The following DPH1 variants were observed in gnomAD, a reference collection of about 807,000 sequenced individuals.
The protein encoded by DPH1 is 2-(3-amino-3-carboxypropyl)histidine synthase subunit 1.
DPH1 carries 59 observed loss-of-function variants against 55.3 expected under a neutral mutation model. That is an observed-to-expected ratio of 1.07 (90% CI 0.87 to 1.33). The LOEUF (loss-of-function observed/expected upper bound fraction) is 1.33. Among genes scored for constraint, DPH1 ranks in the 40% most tolerant of loss-of-function variants. DPH1 has a pLI of 0.00. For missense variants in DPH1, 628 were observed against 584.8 expected (o/e 1.07, Z -0.76); for synonymous variants, 238 against 235.5 (o/e 1.01, Z -0.10).
intron 1 of DPH1, among the ~76,000 whole-genome samples, chr17:2,030,817 T>C (rs2067320995): frequency 6.6e-6 from 1 of 152,132 alleles, no homozygotes; most frequent in Non-Finnish European, 1.5e-5. Context: ...CAGAGGAGGA[T>C]CTGTAATGGG....
intron 1 of DPH1, among the ~76,000 whole-genome samples, chr17:2,031,862 G>A (rs560968974): frequency 6.6e-6 from 1 of 152,258 alleles, no homozygotes; most frequent in South Asian, 2.1e-4. Flanking sequence ...TACTCCAGGA[G>A]TTGTAATTAT....
In DPH1 at chr17:2,033,520, G is replaced by T. The variant is rs1384620464; in HGVS notation, c.77G>T (p.Gly26Val). 1 of 1,614,112 alleles carries T rather than the reference G, an allele frequency of 6.2e-7. No individual in the cohort carries two copies. The highest frequency in any genetic ancestry group is 1.3e-5 in the African/African-American group (1 of 75,060). Residue 26 changes from glycine (G) to valine (V), a missense_variant, in exon 2 of 13, where the codon GGC becomes GTC. Transcript: ENST00000263083. ...DGPGRGRAPR[G>V]RVANQIPPEI... ...TCCATTCTAGGTCGGGCCCCTCGGGGCCGCGTGGCCAATCAGATCCCCCCT... is the reference window on the plus strand; with the variant it reads ...TCCATTCTAGGTCGGGCCCCTCGGGTCCGCGTGGCCAATCAGATCCCCCCT...
rs200134501 is a variant in DPH1, at chr17:2,033,508, G to A, written c.65G>A (p.Arg22Gln). 5.1e-5 allele frequency: 83 copies of A among 1,613,998 alleles called. No individual in the cohort carries two copies. Among genetic ancestry groups the A allele is most frequent in the Non-Finnish European group, 6.4e-5 (75 of 1,180,032 alleles). ...QGGRDGPGRG[R>Q]APRGRVANQI... is the part of the protein sequence containing the mutation. Reference sequence around the variant, plus strand: ...TCAGGCCTTATATCCATTCTAGGTCGGGCCCCTCGGGGCCGCGTGGCCAAT... The same window carrying A: ...TCAGGCCTTATATCCATTCTAGGTCAGGCCCCTCGGGGCCGCGTGGCCAAT... Residue 22 changes from arginine (R) to glutamine (Q), a missense_variant, in exon 2 of 13, where the codon CGG becomes CAG. Physicochemically the swap from Arg to Gln is conservative, Grantham distance 43 (BLOSUM62 1). Coordinates refer to ENST00000263083, the MANE Select transcript of DPH1 (RefSeq NM_001383.6).
intron 12 of DPH1, 84 bp downstream of exon 12, chr17:2,041,959 G>GGTGCTGAC: frequency 6.6e-7 from 1 of 1,517,424 alleles, no homozygotes; most frequent in South Asian, 1.2e-5. Context: ...CCCTCGGGGC[G>GGTGCTGAC]GTGCTGACGT....
intron 1 of DPH1, among the ~76,000 whole-genome samples, chr17:2,032,224 G>A (rs924926246): frequency 2.0e-5 from 3 of 152,076 alleles, no homozygotes; most frequent in Non-Finnish European, 4.4e-5. Context: ...GGAGAGGGGG[G>A]ACATTCTCCC....
intron 6 of DPH1, among the ~76,000 whole-genome samples, chr17:2,037,870 C>T (rs1395450269): frequency 1.3e-5 from 2 of 152,278 alleles, no homozygotes; most frequent in Admixed American, 1.3e-4. Context: ...AGGCGAGTTT[C>T]TTAACATCCC....
chr17:2,033,919 G>T (rs1163348211), intron 3 of DPH1, 77 bp downstream of exon 3: 2 of 1,562,102 alleles, frequency 1.3e-6, no homozygotes, highest in African/African-American at 2.7e-5. Flanking sequence ...GGTGGGTAAA[G>T]CCCTGGTGGC....
intron 3 of DPH1, chr17:2,034,885 C>G (rs990781201): frequency 2.6e-5 from 3 of 115,568 alleles, no homozygotes; most frequent in African/African-American, 7.0e-5. Context: ...CTTGTTGCCA[C>G]AGACTCACTT....
Position 2,036,481 on chromosome 17 carries a change from T to TG in DPH1, c.401-47dup. 1 of 1,606,128 alleles carries TG rather than the reference T, an allele frequency of 6.2e-7. No individual in the cohort carries two copies. Among genetic ancestry groups the TG allele is most frequent in the Non-Finnish European group, 8.5e-7 (1 of 1,174,780 alleles). On this transcript the variant is annotated intron_variant, in intron 4 of 12. Coordinates refer to ENST00000263083, the MANE Select transcript of DPH1 (RefSeq NM_001383.6). This position sits in a 1 kb window ranked among gnomAD's most constrained non-coding sequence, Gnocchi z 4.8. The stretch of plus-strand genomic sequence containing the variant: ...GAGACCTGAGCCTGGCCGGGCCCTC[T>TG]GCTGCTCCTGCCTTCCCAAACAGCC...
At chr17:2,037,070 C>G in intron 6 of DPH1, 114 bp downstream of exon 6, 1 of 1,444,270 alleles carries the variant, frequency 6.9e-7, no homozygotes, top group Non-Finnish European at 9.2e-7. Flanking sequence ...TACCTGTGAG[C>G]CCGAGGTCAC....
intron 12 of DPH1, 154 bp from the exon 13 acceptor site, chr17:2,042,451 A>T: frequency 7.9e-7 from 1 of 1,268,664 alleles, no homozygotes; most frequent in Non-Finnish European, 1.0e-6. Flanking sequence ...TGTTCAGGCC[A>T]ATCCACTCAT....
rs757405584 is a variant in DPH1 at position 2,040,511 on chromosome 17, GAATCTCGACTCCGA to G, written c.914_927del (p.Glu305GlyfsTer13). 3.1e-6 allele frequency: 5 copies of G among 1,614,190 alleles called. No homozygotes were observed. In the East Asian group the frequency reaches 1.1e-4, roughly 36 times the overall value. On this transcript the variant is annotated frameshift_variant, in exon 9 of 13. Transcript: ENST00000263083. LOFTEE classifies it high-confidence loss of function. ...TGCCTCCCTCTCCCAACAGCACCTG[GAATCTCGACTCCGA>G]GCCTTGGGCCTTTCCTTTGTGAGGC...
chr17:2,040,977 C>T (rs573110897), intron 9 of DPH1, 126 bp from the exon 10 acceptor site: 4 of 943,590 alleles, frequency 4.2e-6, no homozygotes, highest in East Asian at 2.6e-5. Flanking sequence ...GGGTCACTGT[C>T]TTTACTTTAG....
In DPH1 at chr17:2,036,052, G is replaced by A. The variant is rs2067419237; in HGVS notation, c.361G>A (p.Gly121Arg). ...CVDDFTARAL[G>R]ADFLVHYGHS... Reference sequence around the variant, plus strand: ...GGATGACTTCACAGCGAGGGCCCTGGGAGCTGACTTCTTGGTGCACTACGG... The same window carrying A: ...GGATGACTTCACAGCGAGGGCCCTGAGAGCTGACTTCTTGGTGCACTACGG... Residue 121 changes from glycine (G) to arginine (R), a missense_variant, in exon 4 of 13, where the codon GGA becomes AGA. Physicochemically the swap from Gly to Arg is moderately radical, Grantham distance 125 (BLOSUM62 -2). Coordinates refer to ENST00000263083, the MANE Select transcript of DPH1 (RefSeq NM_001383.6). This position sits in a 1 kb window ranked among gnomAD's most constrained non-coding sequence, Gnocchi z 4.8. The A allele has an allele frequency of 6.2e-7, 1 of 1,613,990 alleles. No individual in the cohort carries two copies.
At chr17:2,040,157 G>A in intron 7 of DPH1, 61 bp from the exon 8 acceptor site, 1 of 1,595,010 alleles carries the variant, frequency 6.3e-7, no homozygotes, top group Non-Finnish European at 8.5e-7. Context: ...GTCAGGAGCT[G>A]TGTGCATAAT....
At position 2,036,426 on chromosome 17, in the gene DPH1, C is replaced by G. The variant is rs1398193217; in HGVS notation, c.401-103C>G. The G allele has an allele frequency of 1.4e-6, 2 of 1,455,076 alleles. No homozygotes were observed. The highest frequency in any genetic ancestry group is 9.4e-7 in the Non-Finnish European group (1 of 1,060,100). The allele number at this position is 1,455,076 out of a possible 1,614,324, so 90.1% of individuals were successfully genotyped here. On this transcript the variant is annotated intron_variant, in intron 4 of 12. Coordinates refer to ENST00000263083, the MANE Select transcript of DPH1 (RefSeq NM_001383.6). This position sits in a 1 kb window ranked among gnomAD's most constrained non-coding sequence, Gnocchi z 4.8. ...TTCTCCTACCCTGTCCTTTTACCCC[C>G]AGGCTGAAGCCACTGCGCCTGGCTG...
Position 2,042,722 on chromosome 17 carries a change from TG to T in DPH1, c.*138del. ...AGGGGCCTGGAGGAATCACTGGGGA[TG>T]GTGGCACAGGCACTGAACAGGCTGG... On this transcript the variant is annotated 3_prime_UTR_variant, in exon 13 of 13. Transcript: ENST00000263083. 2.6e-6 allele frequency: 4 copies of T among 1,564,088 alleles called. No individual in the cohort carries two copies. Among genetic ancestry groups the T allele is most frequent in the Non-Finnish European group, 3.5e-6 (4 of 1,157,244 alleles).
Position 2,035,985 on chromosome 17 carries a change from A to G in DPH1, c.294A>G (p.Glu98=). 6.2e-7 allele frequency: 1 copy of G among 1,613,784 alleles called. No homozygotes were observed. Among genetic ancestry groups the G allele is most frequent in the Non-Finnish European group, 8.5e-7 (1 of 1,179,876 alleles). Residue 98 remains glutamate (E), a synonymous_variant, in exon 4 of 13, where the codon GAA becomes GAG. Transcript: ENST00000263083. ...GTGCCCGCAGGTTCACGGAGGCCGA[A>G]GTGATGGTGATGGGTGACGTGACCT... The part of the protein sequence containing the change: ...VDILERFTEA[E]VMVMGDVTYG...
At position 2,030,202 on chromosome 17, in the gene DPH1, G is replaced by T; in HGVS notation, c.33G>T (p.Glu11Asp). Residue 11 changes from glutamate to aspartate, a missense_variant, in exon 1 of 13, where the codon GAG becomes GAT. Physicochemically the swap from Glu to Asp is conservative, Grantham distance 45. Transcript: ENST00000263083. MAALVVSGAA[E>D]QGGRDGPGRG... ...CGCTGGTCGTATCCGGGGCAGCGGA[G>T]CAGGGCGGCCGAGACGGCCCTGGCA... 6.2e-7 allele frequency: 1 copy of T among 1,600,444 alleles called. No homozygotes were observed. Among genetic ancestry groups the T allele is most frequent in the Non-Finnish European group, 8.5e-7 (1 of 1,174,708 alleles).
Sources: allele counts gnomAD v4.1 joint callset (sites outside exome capture counted in the v4.1 genomes callset), GRCh38; gene constraint gnomAD v4.1.1; non-coding constraint Gnocchi (gnomAD v3.1); transcripts MANE v1.5; gene names NCBI Gene and HGNC (gene_info 2026-07-23, HGNC 2026-07-21).